Variants in MXD4 observed in about 807,000 individuals in gnomAD.
The protein encoded by MXD4 is Mad4 homolog.
Under a neutral mutation model 24.5 loss-of-function variants are expected in MXD4, and 16 were observed. The observed-to-expected ratio is 0.65, with a 90% CI of 0.44 to 0.99. MXD4 has a LOEUF of 0.99. MXD4 is among the 50% of genes least tolerant of loss of function. The pLI, the probability that MXD4 is intolerant of heterozygous loss-of-function variation, is 0.00. For missense variants in MXD4, 301 were observed against 301.5 expected (o/e 1.00, Z 0.01); for synonymous variants, 164 against 134.2 (o/e 1.22, Z -1.54).
chr4:2,259,087 C>A, intron 2 of MXD4: 1 of 401,204 alleles, frequency 2.5e-6, no homozygotes, highest in Admixed American at 2.5e-5. Context: ...GCTCAGACTG[C>A]CTCGGGGCAC....
At chr4:2,250,836 C>T (rs916280948) in intron 5 of MXD4, 135 bp from the exon 6 acceptor site, 20 of 1,264,918 alleles carry the variant, frequency 1.6e-5, no homozygotes, top group Middle Eastern at 2.4e-4. Flanking sequence ...GGGCAGCAGA[C>T]GCCAGGAGGG....
At chr4:2,257,192 A>C (rs1444007640) in intron 3 of MXD4, among the ~76,000 whole-genome samples, 1 of 152,126 alleles carries the variant, frequency 6.6e-6, no homozygotes, top group East Asian at 1.9e-4. Flanking sequence ...CCGAGCACCA[A>C]ATCTTTCTGG....
intron 2 of MXD4, chr4:2,260,427 G>A (rs762699952): frequency 1.0e-5 from 4 of 390,916 alleles, no homozygotes; most frequent in Non-Finnish European, 2.1e-5. Context: ...GGCAGTGTTC[G>A]GGCAGCCTTG....
At chr4:2,261,664 G>A in intron 2 of MXD4, 61 bp downstream of exon 2, 1 of 1,013,540 alleles carries the variant, frequency 9.9e-7, no homozygotes, top group Non-Finnish European at 1.2e-6. Context: ...CGGAGAGCAC[G>A]CTCCGGGCGG....
In MXD4 at chr4:2,252,421, T is replaced by A. The variant is rs759077285; in HGVS notation, c.296A>T (p.Lys99Met). ...HTTLSLLKRA[K>M]VHIKKLEEQD... ...AGGCCCACTCACCTTGATGTGCACC[T>A]TGGCCCGCTTCAGGAGGCTCAGCGT... Residue 99 changes from lysine (K) to methionine (M), a missense_variant, in exon 4 of 6, where the codon AAG (lysine) becomes ATG (methionine). Coordinates refer to ENST00000337190, the MANE Select transcript of MXD4 (RefSeq NM_006454.3). 4.0e-5 allele frequency: 65 copies of A among 1,612,752 alleles called. No homozygotes were observed. The highest frequency in any genetic ancestry group is 5.1e-6 in the Non-Finnish European group (6 of 1,179,890).
intron 2 of MXD4, chr4:2,260,546 G>A (rs1289597824): frequency 2.2e-6 from 1 of 455,832 alleles, no homozygotes; most frequent in Non-Finnish European, 4.4e-6. Context: ...AGCGGCAGCG[G>A]GGGCCGGGCT....
At chr4:2,258,956 G>A (rs1735485167) in intron 2 of MXD4, 1 of 455,922 alleles carries the variant, frequency 2.2e-6, no homozygotes, top group Admixed American at 2.4e-5. Context: ...CTGCCTGGAG[G>A]ATAACGAGGC....
rs2108792518 is a variant in MXD4, at chr4:2,261,923, C to T, written c.58G>A (p.Asp20Asn). 1 of 1,463,864 alleles carries T rather than the reference C, an allele frequency of 6.8e-7. No homozygotes were observed. Among genetic ancestry groups the T allele is most frequent in the Non-Finnish European group, 9.0e-7 (1 of 1,106,604 alleles). The allele number at this position is 1,463,864 out of a possible 1,614,324, so 90.7% of individuals were successfully genotyped here. A position where few individuals can be genotyped will look rare whatever the true frequency, so the allele number is the denominator to read the frequency against. Residue 20 changes from aspartate to asparagine, a missense_variant, in exon 1 of 6, where the codon GAT (aspartate) becomes AAT (asparagine). Transcript: ENST00000337190. ...AATGGGGTGCGAGCGCTACCTCGAT[C>T]CCTGCGCTCCAGGTACTCGGCCGCC... ...LEAAEYLERR[D>N]REAEHGYASV...
intron 3 of MXD4, among the ~76,000 whole-genome samples, chr4:2,256,715 A>G (rs1735437544): frequency 6.6e-6 from 1 of 152,144 alleles, no homozygotes; most frequent in Non-Finnish European, 1.5e-5. Flanking sequence ...AGCCTCTGGG[A>G]GGAGAGGACA....
intron 4 of MXD4, among the ~76,000 whole-genome samples, chr4:2,252,094 G>A (rs780195569): frequency 2.2e-4 from 33 of 152,110 alleles, no homozygotes; most frequent in Non-Finnish European, 7.4e-5. Context: ...CAGGACCCCA[G>A]AGAGCAATCT....
At chr4:2,252,341 C>A in intron 4 of MXD4, 67 bp downstream of exon 4, 1 of 1,301,766 alleles carries the variant, frequency 7.7e-7, no homozygotes, top group Non-Finnish European at 1.1e-6. Context: ...CTGTGAGCAC[C>A]CCCCCAGGGC....
At position 2,250,402 on chromosome 4, in the gene MXD4, G is replaced by T; in HGVS notation, c.*142C>A. 8.6e-7 allele frequency: 1 copy of T among 1,168,934 alleles called. No individual in the cohort carries two copies. Among genetic ancestry groups the T allele is most frequent in the Non-Finnish European group, 1.2e-6 (1 of 858,354 alleles). The allele number at this position is 1,168,934 out of a possible 1,614,324, so 72.4% of individuals were successfully genotyped here. A position where few individuals can be genotyped will look rare whatever the true frequency, so the allele number is the denominator to read the frequency against. The stretch of plus-strand genomic sequence containing the variant: ...AGGCCCTGACCGGCAAGCGGGCAGT[G>T]CCAGGCAGCCCAGCAGCAGCTGGAG... On this transcript the variant is annotated 3_prime_UTR_variant, in exon 6 of 6. Coordinates refer to ENST00000337190, the MANE Select transcript of MXD4 (RefSeq NM_006454.3).
At position 2,247,609 on chromosome 4, in the gene MXD4, C is replaced by G. The variant is rs891321569; in HGVS notation, c.*2935G>C. 1 of 152,228 alleles carries G rather than the reference C, an allele frequency of 6.6e-6. No homozygotes were observed. The highest frequency in any genetic ancestry group is 2.4e-5 in the African/African-American group (1 of 41,448). 9.4% of individuals were successfully genotyped at this position (152,228 alleles called of 1,614,324 possible). On this transcript the variant is annotated 3_prime_UTR_variant, in exon 6 of 6. Transcript: ENST00000337190. ...ACCTGCCCTAGTGCCCAACATGGAC[C>G]TGGGGCCACCCTGCTGGCCGAGGGT...
rs780373613 is a variant in MXD4 at position 2,261,861 on chromosome 4, G to T, written c.65-37C>A. 55 of 1,376,156 alleles carry T rather than the reference G, an allele frequency of 4.0e-5. No homozygotes were observed. The Middle Eastern group carries it at 1.3e-3, about 34-fold the overall frequency. The allele number at this position is 1,376,156 out of a possible 1,614,324, so 85.2% of individuals were successfully genotyped here. On this transcript the variant is annotated intron_variant, in intron 1 of 5. Transcript: ENST00000337190. ...CGGCGCGGTCAGCGGCCCCCGCCCG[G>T]CACGGCCCCGCCGCCCGCCCACCGC...
chr4:2,257,972 G>C lies in MXD4; in HGVS notation c.194+10C>G. On this transcript the variant is annotated intron_variant, in intron 3 of 5. Transcript: ENST00000337190. ...GTCGGGCTCATGTGGGGAACTGGGGGGTCACTTACCTGTGCTTTTCTAGCT... is the reference window on the plus strand; with the variant it reads ...GTCGGGCTCATGTGGGGAACTGGGGCGTCACTTACCTGTGCTTTTCTAGCT... The C allele has an allele frequency of 1.2e-6, 2 of 1,613,688 alleles. No individual in the cohort carries two copies. Among genetic ancestry groups the C allele is most frequent in the Non-Finnish European group, 1.7e-6 (2 of 1,179,940 alleles).
chr4:2,255,545 C>T (rs1735408571), intron 3 of MXD4, among the ~76,000 whole-genome samples: 1 of 152,112 alleles, frequency 6.6e-6, no homozygotes, highest in Admixed American at 6.5e-5. Context: ...TCCCCACCCA[C>T]CCCTCTGAGC....
In MXD4 at chr4:2,252,434, G is replaced by A; in HGVS notation, c.283C>T (p.Leu95=). The change falls in exon 4 of 6, where the codon CTG becomes TTG. Residue 95 remains leucine (L), a synonymous_variant. Coordinates refer to ENST00000337190, the MANE Select transcript of MXD4 (RefSeq NM_006454.3). The part of the protein sequence containing the change: ...DSTRHTTLSL[L]KRAKVHIKKL... ...TTGATGTGCACCTTGGCCCGCTTCA[G>A]GAGGCTCAGCGTGGTGTGGCGGGTG... 1 of 1,613,354 alleles carries A rather than the reference G, an allele frequency of 6.2e-7. No individual in the cohort carries two copies. The highest frequency in any genetic ancestry group is 8.5e-7 in the Non-Finnish European group (1 of 1,179,976).
chr4:2,258,135 G>A, intron 2 of MXD4, 124 bp from the exon 3 acceptor site: 3 of 1,226,934 alleles, frequency 2.4e-6, no homozygotes, highest in Non-Finnish European at 3.5e-6. Context: ...GTCCTGGAAT[G>A]GCCCAGAGCA....
intron 2 of MXD4, among the ~76,000 whole-genome samples, chr4:2,259,598 AC>A (rs1006963629): frequency 5.9e-5 from 9 of 152,064 alleles, no homozygotes; most frequent in African/African-American, 2.2e-4. Flanking sequence ...CTACCTGCCT[AC>A]CCCTTGAAGG....
Sources: allele counts gnomAD v4.1 joint callset (sites outside exome capture counted in the v4.1 genomes callset), GRCh38; gene constraint gnomAD v4.1.1; transcripts MANE v1.5; gene names NCBI Gene and HGNC (gene_info 2026-07-23, HGNC 2026-07-21).